The following OR10G8 variants were observed in gnomAD, a reference collection of about 807,000 sequenced individuals.
OR10G8 encodes the protein olfactory receptor family 10 subfamily G member 8.
For missense variants in OR10G8, 386 were observed against 384.9 expected, an observed-to-expected ratio of 1.00 and a Z score of -0.02; for synonymous variants, 173 against 163.2, an observed-to-expected ratio of 1.06 and a Z score of -0.46.
At position 124,030,468 on chromosome 11, in the gene OR10G8, C is replaced by A. The variant is rs11825515; in HGVS notation, c.846C>A (p.Leu282=). 68,903 of 1,614,134 alleles carry A rather than the reference C, an allele frequency of 0.043. 1,987 individuals are homozygous for A. Among genetic ancestry groups the A allele is most frequent in the African/African-American group, 0.13 (10,039 of 75,030 alleles). The change falls in exon 2 of 2, where the codon CTC becomes CTA. Residue 282 remains leucine, a synonymous_variant. Coordinates refer to ENST00000641224, the MANE Select transcript of OR10G8 (RefSeq NM_001004464.2). ...AVFYTVLTPL[L]NPVVYTLRNK... ...TCTACACTGTGCTGACGCCCCTTCT[C>A]AACCCTGTTGTGTACACCCTGAGGA...
In OR10G8 at chr11:124,030,054, C is replaced by T; in HGVS notation, c.432C>T (p.Ala144=). 6.2e-7 allele frequency: 1 copy of T among 1,614,112 alleles called. No homozygotes were observed. Among genetic ancestry groups the T allele is most frequent in the South Asian group, 1.1e-5 (1 of 91,072 alleles). The change falls in exon 2 of 2, where the codon GCC becomes GCT. Residue 144 remains alanine, a synonymous_variant. Coordinates refer to ENST00000641224, the MANE Select transcript of OR10G8 (RefSeq NM_001004464.2). The part of the protein sequence containing the change: ...MMTGRSCTLL[A]TSTWLSGSLH... ...CTGGGCGCTCGTGTACTCTTCTGGC[C>T]ACCAGCACTTGGCTCAGTGGCTCTC...
At position 124,029,731 on chromosome 11, in the gene OR10G8, G is replaced by A. The variant is rs1387704747; in HGVS notation, c.109G>A (p.Val37Met). The A allele has an allele frequency of 2.5e-6, 4 of 1,613,828 alleles. No individual in the cohort carries two copies. The highest frequency in any genetic ancestry group is 3.4e-6 in the Non-Finnish European group (4 of 1,179,878). ...GVFLVVYVLT[V>M]LGNLLILLVI... is the part of the protein sequence containing the mutation. ...CTTCCTGGTGGTTTACGTGCTCACT[G>A]TGCTGGGGAACCTCCTCATCCTGCT... Residue 37 changes from valine to methionine, a missense_variant, in exon 2 of 2, where the codon GTG becomes ATG. Physicochemically the swap from Val to Met is conservative, Grantham distance 21. Coordinates refer to ENST00000641224, the MANE Select transcript of OR10G8 (RefSeq NM_001004464.2).
chr11:124,030,553 A>G lies in OR10G8; in HGVS notation c.931A>G (p.Lys311Glu). Residue 311 changes from lysine (K) to glutamate (E), a missense_variant, in exon 2 of 2, where the codon AAA becomes GAA. Lys to Glu is a moderately conservative substitution (Grantham distance 56). Coordinates refer to ENST00000641224, the MANE Select transcript of OR10G8 (RefSeq NM_001004464.2). ...LKDKVAHSQS[K>E] ...AGACAAAGTAGCACATTCTCAGAGC[A>G]AATAGACACTAGGGAAGATTACATA... The G allele has an allele frequency of 6.3e-7, 1 of 1,582,656 alleles. No individual in the cohort carries two copies. The highest frequency in any genetic ancestry group is 8.6e-7 in the Non-Finnish European group (1 of 1,166,956).
intron 1 of OR10G8, 89 bp from the exon 2 acceptor site, chr11:124,029,507 A>G: frequency 8.5e-7 from 1 of 1,180,310 alleles, no homozygotes; most frequent in Non-Finnish European, 1.2e-6. Flanking sequence ...CTCCAGAATT[A>G]TCTACCTGCT....
chr11:124,028,327 G>A (rs902182105), intron 1 of OR10G8, among the ~76,000 whole-genome samples: 3 of 152,116 alleles, frequency 2.0e-5, no homozygotes, highest in Non-Finnish European at 4.4e-5. Flanking sequence ...TGGATCATTT[G>A]GGAGGTCGTG....
At chr11:124,027,626 T>C (rs1170946216) in intron 1 of OR10G8, among the ~76,000 whole-genome samples, 1 of 152,196 alleles carries the variant, frequency 6.6e-6, no homozygotes, top group Non-Finnish European at 1.5e-5. Context: ...CAGTAGAAAT[T>C]TCAGAGTATC....
Position 124,030,382 on chromosome 11 carries a change from G to C in OR10G8, c.760G>C (p.Gly254Arg). The C allele has an allele frequency of 6.2e-7, 1 of 1,614,146 alleles. No individual in the cohort carries two copies. The highest frequency in any genetic ancestry group is 8.5e-7 in the Non-Finnish European group (1 of 1,180,028). ...CGTGGTCCTTTGCTTCTTTGGCCCT[G>C]GTCTTTTCATTTACCTGAGGCCAGG... ...CIVVLCFFGPGLFIYLRPGSR... is the reference protein window; with the variant it reads ...CIVVLCFFGPRLFIYLRPGSR... Residue 254 changes from glycine (G) to arginine (R), a missense_variant, in exon 2 of 2, where the codon GGT becomes CGT. By Grantham distance (125) the Gly-to-Arg change is moderately radical. Transcript: ENST00000641224.
In OR10G8 at chr11:124,029,917, C is replaced by T. The variant is rs1457594823; in HGVS notation, c.295C>T (p.Gln99Ter). ...RAISFHSCMA[Q>*]LYFFHFLGGT... ...TATCTCCTTCCACAGCTGCATGGCT[C>T]AGCTCTATTTCTTTCACTTCCTAGG... The change falls in exon 2 of 2, where the codon CAG (glutamine) becomes TAG (stop). Residue 99 changes from glutamine (Q) to a stop codon, truncating the protein, a stop_gained. Transcript: ENST00000641224. LOFTEE classifies it low-confidence loss of function (END_TRUNC). The T allele has an allele frequency of 1.9e-6, 3 of 1,613,986 alleles. No homozygotes were observed. In the African/African-American group the frequency reaches 4.0e-5, roughly 22 times the overall value.
In OR10G8 at chr11:124,030,357, C is replaced by T. The variant is rs748588345; in HGVS notation, c.735C>T (p.Ile245=). The T allele has an allele frequency of 4.3e-6, 7 of 1,614,158 alleles. No homozygotes were observed. The highest frequency in any genetic ancestry group is 2.2e-5 in the South Asian group (2 of 91,074). Residue 245 remains isoleucine, a synonymous_variant, in exon 2 of 2, where the codon ATC becomes ATT. Transcript: ENST00000641224. ...RAFQTCASHC[I]VVLCFFGPGL... ...TTCAGACCTGTGCCTCCCACTGTAT[C>T]GTGGTCCTTTGCTTCTTTGGCCCTG...
At chr11:124,029,099 A>G (rs1864130109) in intron 1 of OR10G8, among the ~76,000 whole-genome samples, 1 of 152,130 alleles carries the variant, frequency 6.6e-6, no homozygotes, top group Non-Finnish European at 1.5e-5. Context: ...GTAAGTTGAG[A>G]GTTACGTGTC....
chr11:124,030,316 G>T lies in OR10G8; in HGVS notation c.694G>T (p.Gly232Trp), dbSNP rs770591758. 19 of 1,614,162 alleles carry T rather than the reference G, an allele frequency of 1.2e-5. No individual in the cohort carries two copies. The South Asian group carries it at 1.9e-4, about 16-fold the overall frequency. ...CSILRIRTSE[G>W]KHRAFQTCAS... ...CATCCTGCGGATCCGCACCTCAGAG[G>T]GGAAGCACAGAGCCTTTCAGACCTG... is the stretch of plus-strand genomic sequence containing the variant. Residue 232 changes from glycine to tryptophan, a missense_variant, in exon 2 of 2, where the codon GGG becomes TGG. Gly to Trp is a radical substitution (Grantham distance 184, BLOSUM62 -2). Transcript: ENST00000641224.
rs763752111 is a variant in OR10G8, at chr11:124,030,347, C to T, written c.725C>T (p.Ser242Phe). ...CACAGAGCCTTTCAGACCTGTGCCT[C>T]CCACTGTATCGTGGTCCTTTGCTTC... ...GKHRAFQTCA[S>F]HCIVVLCFFG... Residue 242 changes from serine (S) to phenylalanine (F), a missense_variant, in exon 2 of 2, where the codon TCC becomes TTC. Coordinates refer to ENST00000641224, the MANE Select transcript of OR10G8 (RefSeq NM_001004464.2). 57 of 1,614,078 alleles carry T rather than the reference C, an allele frequency of 3.5e-5. No individual in the cohort carries two copies. The highest frequency in any genetic ancestry group is 4.5e-5 in the Non-Finnish European group (53 of 1,180,026).
chr11:124,029,476 A>G, intron 1 of OR10G8, 120 bp from the exon 2 acceptor site: 1 of 915,176 alleles, frequency 1.1e-6, no homozygotes, highest in Non-Finnish European at 1.7e-6. Flanking sequence ...AAGCTTTGTT[A>G]ACAAGCAAAG....
chr11:124,029,860 C>T lies in OR10G8; in HGVS notation c.238C>T (p.Leu80=). The change falls in exon 2 of 2, where the codon CTG becomes TTG. Residue 80 remains leucine, a synonymous_variant. Coordinates refer to ENST00000641224, the MANE Select transcript of OR10G8 (RefSeq NM_001004464.2). ...CTCCACTGTCACGGTGCCCAAATTG[C>T]TGATGACTTTGGTGTTCCCAAGTGG... ...WFSTVTVPKL[L]MTLVFPSGRA... is the part of the protein sequence containing the mutation. 3.1e-6 allele frequency: 5 copies of T among 1,614,168 alleles called. No individual in the cohort carries two copies. The highest frequency in any genetic ancestry group is 4.2e-6 in the Non-Finnish European group (5 of 1,180,040).
intron 1 of OR10G8, among the ~76,000 whole-genome samples, chr11:124,027,968 A>G (rs2137562677): frequency 6.6e-6 from 1 of 152,286 alleles, no homozygotes; most frequent in African/African-American, 2.4e-5. Context: ...GGTGGCATAG[A>G]TCCCTCTTCT....
chr11:124,028,682 G>A (rs182151072), intron 1 of OR10G8, among the ~76,000 whole-genome samples: 1 of 152,156 alleles, frequency 6.6e-6, no homozygotes, highest in Admixed American at 6.5e-5. Flanking sequence ...CAGTGAGGTA[G>A]GTGATGTTAG....
intron 1 of OR10G8, among the ~76,000 whole-genome samples, chr11:124,029,364 T>A (rs914489683): frequency 2.6e-5 from 4 of 152,144 alleles, no homozygotes; most frequent in African/African-American, 9.7e-5. Flanking sequence ...CCTATTAAAA[T>A]CTAAGACAAT....
Position 124,029,820 on chromosome 11 carries a change from C to G in OR10G8, c.198C>G (p.Phe66Leu). ...TMYYFLTNLS[F>L]IDMWFSTVTV... ...ACTACTTCCTCACCAACCTGTCGTTCATTGACATGTGGTTCTCCACTGTCA... is the reference window on the plus strand; with the variant it reads ...ACTACTTCCTCACCAACCTGTCGTTGATTGACATGTGGTTCTCCACTGTCA... Residue 66 changes from phenylalanine (F) to leucine (L), a missense_variant, in exon 2 of 2, where the codon TTC (phenylalanine) becomes TTG (leucine). By Grantham distance (22) the Phe-to-Leu change is conservative (BLOSUM62 0). Coordinates refer to ENST00000641224, the MANE Select transcript of OR10G8 (RefSeq NM_001004464.2). The G allele has an allele frequency of 6.2e-7, 1 of 1,614,196 alleles. No homozygotes were observed. The highest frequency in any genetic ancestry group is 8.5e-7 in the Non-Finnish European group (1 of 1,180,042).
intron 1 of OR10G8, among the ~76,000 whole-genome samples, chr11:124,028,727 G>T (rs1864126779): frequency 6.6e-6 from 1 of 152,040 alleles, no homozygotes; most frequent in African/African-American, 2.4e-5. Context: ...ACTAGAAAAT[G>T]ATTTAGCTGA....
Sources: allele counts gnomAD v4.1 joint callset (sites outside exome capture counted in the v4.1 genomes callset), GRCh38; gene constraint gnomAD v4.1.1; transcripts MANE v1.5; gene names NCBI Gene and HGNC (gene_info 2026-07-23, HGNC 2026-07-21).